Variants in SGK1 observed in about 807,000 individuals in gnomAD.
SGK1 encodes serum/glucocorticoid regulated kinase 1.
Under a neutral mutation model 64.2 loss-of-function variants are expected in SGK1, and 26 were observed. The observed-to-expected ratio is 0.40, with a 90% CI of 0.30 to 0.56. The LOEUF (loss-of-function observed/expected upper bound fraction) is 0.56, where lower values mean the gene tolerates loss of function less well. Among genes scored for constraint, SGK1 ranks in the 20% least tolerant of loss-of-function variants. The pLI is 0.38. For synonymous variants in SGK1, 265 were observed against 239.7 expected (o/e 1.11, Z -0.98); for missense variants, 519 against 645.6 (o/e 0.80, Z 2.12).
Position 134,206,953 on chromosome 6 carries a change from C to T in SGK1, c.361+403G>A, listed in dbSNP as rs548052833. ...AAGAATAAATAAACAAGGCCGGGCG[C>T]GGTGGCTCACGCCTGTAATCCCAGC... On this transcript the variant is annotated intron_variant, in intron 3 of 13. Coordinates refer to ENST00000367858, the MANE Select transcript of SGK1 (RefSeq NM_001143676.3). Among the ~76,000 whole-genome samples the T allele has an allele frequency of 5.2e-4, 78 of 151,126 alleles. No homozygotes were observed. In the East Asian group the frequency reaches 7.1e-3, roughly 14 times the overall value.
chr6:134,206,367 ATATATATATATATATATTTTT>A (rs1775777679), intron 3 of SGK1, among the ~76,000 whole-genome samples: 2 of 8,258 alleles, frequency 2.4e-4, no homozygotes, highest in African/African-American at 5.0e-4. Flanking sequence ...ATATATATAT[ATATATATATATATATATTTTT>A]TTTTTTTTTT....
At chr6:134,215,087 A>C (rs1416920433) in intron 2 of SGK1, 3 of 455,774 alleles carry the variant, frequency 6.6e-6, no homozygotes, top group South Asian at 4.7e-5. Flanking sequence ...GAAGTTTTGC[A>C]GAGAATCTGG....
chr6:134,292,827 T>G (rs1164773486), intron 1 of SGK1, among the ~76,000 whole-genome samples: 1 of 152,208 alleles, frequency 6.6e-6, no homozygotes, highest in East Asian at 1.9e-4. Flanking sequence ...AACAGTCACT[T>G]AAATATTTCC....
intron 3 of SGK1, among the ~76,000 whole-genome samples, chr6:134,195,772 A>G (rs1582703038): frequency 6.6e-6 from 1 of 152,188 alleles, no homozygotes; most frequent in Non-Finnish European, 1.5e-5. Context: ...CCATATGTCT[A>G]TTTCCAGGAA....
At chr6:134,209,437 A>C (rs182531853) in intron 2 of SGK1, among the ~76,000 whole-genome samples, 10 of 152,282 alleles carry the variant, frequency 6.6e-5, no homozygotes, top group Non-Finnish European at 1.3e-4. Context: ...CTGTCTCAAA[A>C]AAACAAACAA....
intron 1 of SGK1, among the ~76,000 whole-genome samples, chr6:134,274,255 C>T (rs554200129): frequency 1.5e-4 from 23 of 152,276 alleles, no homozygotes; most frequent in African/African-American, 5.5e-4. Context: ...TCCACCACCT[C>T]GGCCTCCCAA....
At chr6:134,202,083 A>G (rs759825101) in intron 3 of SGK1, among the ~76,000 whole-genome samples, 6 of 152,186 alleles carry the variant, frequency 3.9e-5, no homozygotes, top group Non-Finnish European at 7.3e-5. Flanking sequence ...AAAAATAAAA[A>G]TAAAATTACA....
intron 1 of SGK1, among the ~76,000 whole-genome samples, chr6:134,272,329 T>C (rs1490794991): frequency 7.1e-6 from 1 of 140,008 alleles, no homozygotes; most frequent in Non-Finnish European, 1.6e-5. Flanking sequence ...TTTTTTTGTA[T>C]TTTTAGTAGA....
At chr6:134,175,786 G>A in intron 3 of SGK1, 1 of 1,338,570 alleles carries the variant, frequency 7.5e-7, no homozygotes, top group Non-Finnish European at 9.6e-7. Flanking sequence ...ACAAACAAAT[G>A]GCCCTTGTGC....
chr6:134,200,533 C>T (rs1471948043), intron 3 of SGK1, among the ~76,000 whole-genome samples: 1 of 152,170 alleles, frequency 6.6e-6, no homozygotes, highest in African/African-American at 2.4e-5. Flanking sequence ...CTTAATTCTT[C>T]ACAAAATCAT....
At chr6:134,245,243 T>TTAA (rs1340774074) in intron 2 of SGK1, among the ~76,000 whole-genome samples, 1 of 152,234 alleles carries the variant, frequency 6.6e-6, no homozygotes, top group Non-Finnish European at 1.5e-5. Flanking sequence ...GCCCTGTGGT[T>TTAA]TATTTACACT....
intron 3 of SGK1, among the ~76,000 whole-genome samples, chr6:134,199,625 T>A (rs2114674991): frequency 7.0e-6 from 1 of 142,010 alleles, no homozygotes; most frequent in African/African-American, 2.6e-5. Context: ...CCACCAAACC[T>A]AAAACAAAAG....
chr6:134,175,515 C>A, intron 3 of SGK1: 1 of 1,460,494 alleles, frequency 6.8e-7, no homozygotes, highest in Non-Finnish European at 9.1e-7. Context: ...GTGAGCCAAG[C>A]CCCCAGCGGG....
chr6:134,198,726 ATTT>A (rs1178699258), intron 3 of SGK1, among the ~76,000 whole-genome samples: 21 of 101,788 alleles, frequency 2.1e-4, no homozygotes, highest in South Asian at 3.2e-4. Context: ...CTCTTTTTCT[ATTT>A]TTTTTTTTTT....
At chr6:134,172,633 C>CTGGTA (rs1273886246) in intron 9 of SGK1, 29 bp downstream of exon 9, 6 of 1,416,406 alleles carry the variant, frequency 4.2e-6, no homozygotes, top group East Asian at 4.5e-5. Flanking sequence ...TATACCAAAA[C>CTGGTA]TGGTAGCCTG....
intron 3 of SGK1, chr6:134,174,973 G>C (rs1035874393): frequency 9.6e-6 from 13 of 1,350,412 alleles, no homozygotes; most frequent in African/African-American, 1.5e-5. Flanking sequence ...GCCCCGCCCC[G>C]GCCGCCTCGC....
At chr6:134,315,364 T>C (rs1777666621) in intron 1 of SGK1, among the ~76,000 whole-genome samples, 2 of 152,184 alleles carry the variant, frequency 1.3e-5, no homozygotes, top group African/African-American at 2.4e-5. Context: ...GGTTAGAAGT[T>C]AGATGAAGCT....
At position 134,173,254 on chromosome 6, in the gene SGK1, C is replaced by T. The variant is rs959894112; in HGVS notation, c.702+20G>A. Reference sequence around the variant, plus strand: ...GGAGTGTCTACCGCCAATGCCAGCCCCATCAAGCACATCTCATACCTCTTT... The same window carrying T: ...GGAGTGTCTACCGCCAATGCCAGCCTCATCAAGCACATCTCATACCTCTTT... On this transcript the variant is annotated intron_variant, in intron 7 of 13. Coordinates refer to ENST00000367858, the MANE Select transcript of SGK1 (RefSeq NM_001143676.3). The T allele has an allele frequency of 2.0e-5, 33 of 1,610,076 alleles. No homozygotes were observed. The Admixed American group carries it at 2.3e-4, about 11-fold the overall frequency.
At chr6:134,219,483 A>G (rs992571007) in intron 2 of SGK1, among the ~76,000 whole-genome samples, 1 of 152,148 alleles carries the variant, frequency 6.6e-6, no homozygotes, top group Non-Finnish European at 1.5e-5. Context: ...ATAATTGGCC[A>G]GCCGCGGTAT....
Sources: gnomAD v4.1 joint callset for allele counts (sites outside exome capture counted in the v4.1 genomes callset) on GRCh38, gnomAD v4.1.1 for gene constraint, MANE v1.5 for transcripts, NCBI Gene and HGNC (gene_info 2026-07-23, HGNC 2026-07-21) for gene names.